FNBP1L: variants seen among roughly 807,000 people sequenced by gnomAD.
FNBP1L encodes the protein formin binding protein 1 like.
Under a neutral mutation model 91.2 loss-of-function variants are expected in FNBP1L, and 36 were observed. That is an observed-to-expected ratio of 0.39 (90% CI 0.30 to 0.52). FNBP1L has a LOEUF of 0.52. Among genes scored for constraint, FNBP1L ranks in the 20% least tolerant of loss-of-function variants. The probability of loss-of-function intolerance (pLI) is 0.66; values close to 1 mark genes in which losing one functional copy is unlikely to be tolerated. For synonymous variants in FNBP1L, 242 were observed against 237.0 expected (o/e 1.02, Z -0.19); for missense variants, 571 against 732.1 (o/e 0.78, Z 2.54).
intron 1 of FNBP1L, among the ~76,000 whole-genome samples, chr1:93,490,647 T>C (rs1173094922): frequency 6.6e-6 from 1 of 152,226 alleles, no homozygotes; most frequent in Non-Finnish European, 1.5e-5. Context: ...CTATCTGGAA[T>C]AAATCCATAG....
intron 11 of FNBP1L, among the ~76,000 whole-genome samples, chr1:93,541,600 C>T (rs1366422703): frequency 4.7e-5 from 3 of 63,190 alleles, no homozygotes; most frequent in Non-Finnish European, 9.1e-5. Context: ...TGGGGCGGGG[C>T]GGGGAAGGTG....
In FNBP1L at chr1:93,513,189, G is replaced by A. The variant is rs992221824; in HGVS notation, c.141-8893G>A. On this transcript the variant is annotated intron_variant, in intron 2 of 16. Coordinates refer to ENST00000271234, the MANE Select transcript of FNBP1L (RefSeq NM_001164473.3). ...TCTAGAAGAAATGGATAAATTCCTC[G>A]ACACATACACTCTCCCAAGACTAAA... Among the ~76,000 whole-genome samples the A allele has an allele frequency of 3.3e-5, 5 of 151,836 alleles. No homozygotes were observed. In the South Asian group the frequency reaches 6.3e-4, roughly 19 times the overall value.
chr1:93,471,021 ATAT>A (rs1328111804), intron 1 of FNBP1L, among the ~76,000 whole-genome samples: 14 of 152,190 alleles, frequency 9.2e-5, no homozygotes, highest in African/African-American at 2.2e-4. Context: ...AATAATTGCA[ATAT>A]TATTCTTTTT....
chr1:93,448,333 C>G, intron 1 of FNBP1L, 28 bp downstream of exon 1: 1 of 1,496,742 alleles, frequency 6.7e-7, no homozygotes, highest in Admixed American at 2.4e-5. Flanking sequence ...GCGCCCCGCA[C>G]GGACCCCGGC....
At chr1:93,545,300 C>A (rs1233719506) in intron 12 of FNBP1L, among the ~76,000 whole-genome samples, 1 of 152,026 alleles carries the variant, frequency 6.6e-6, no homozygotes, top group Non-Finnish European at 1.5e-5. Flanking sequence ...GGATACATGT[C>A]CAGAATATGA....
Position 93,504,156 on chromosome 1 carries a change from ATAAT to A in FNBP1L, c.140+4577_140+4580del, listed in dbSNP as rs1187521953. Among the ~76,000 whole-genome samples the A allele has an allele frequency of 9.8e-5, 15 of 152,348 alleles. 1 individual carries two copies. The South Asian group carries it at 3.1e-3, about 32-fold the overall frequency. On this transcript the variant is annotated intron_variant, in intron 2 of 16. Coordinates refer to ENST00000271234, the MANE Select transcript of FNBP1L (RefSeq NM_001164473.3). ...GATTAAATTTAAGTTGAATGAATAAATAATTAAATAATCTGTGTTTCAGTTTAGT... is the reference window on the plus strand; with the variant it reads ...GATTAAATTTAAGTTGAATGAATAAATAAATAATCTGTGTTTCAGTTTAGT...
At chr1:93,449,302 T>C (rs1304569092) in intron 1 of FNBP1L, among the ~76,000 whole-genome samples, 1 of 151,692 alleles carries the variant, frequency 6.6e-6, no homozygotes, top group African/African-American at 2.4e-5. Context: ...ATTTCTCAGG[T>C]GCGGCCGGGA....
Position 93,482,569 on chromosome 1 carries a change from A to G in FNBP1L, c.25-16899A>G, listed in dbSNP as rs547192202. Among the ~76,000 whole-genome samples, 18 of 152,306 alleles carry G rather than the reference A, an allele frequency of 1.2e-4. No homozygotes were observed. In the South Asian group the frequency reaches 3.3e-3, roughly 28 times the overall value. ...CTGAAATTATGTATTCATTTACAATACTGTGCATGGTAATGATTTATTGAA... is the reference window on the plus strand; with the variant it reads ...CTGAAATTATGTATTCATTTACAATGCTGTGCATGGTAATGATTTATTGAA... On this transcript the variant is annotated intron_variant, in intron 1 of 16. Transcript: ENST00000271234.
chr1:93,551,102 A>T lies in FNBP1L; in HGVS notation c.1807A>T (p.Lys603Ter). The change falls in exon 16 of 17, where the codon AAA (lysine) becomes TAA (stop). Residue 603 changes from lysine (K) to a stop codon, truncating the protein, a stop_gained. Coordinates refer to ENST00000271234, the MANE Select transcript of FNBP1L (RefSeq NM_001164473.3). LOFTEE classifies it high-confidence loss of function. Reference sequence around the variant, plus strand: ...AGATGTAACTCTAGAGAAAAACAGTAAAGGTGCAGTAACTTATATCTAAAC... The same window carrying T: ...AGATGTAACTCTAGAGAAAAACAGTTAAGGTGCAGTAACTTATATCTAAAC... ...YIDVTLEKNS[K>*]GS 1 of 1,606,160 alleles carries T rather than the reference A, an allele frequency of 6.2e-7. No homozygotes were observed. Among genetic ancestry groups the T allele is most frequent in the Non-Finnish European group, 8.5e-7 (1 of 1,175,900 alleles).
At position 93,552,621 on chromosome 1, in the gene FNBP1L, A is replaced by G; in HGVS notation, c.*205A>G. On this transcript the variant is annotated 3_prime_UTR_variant, in exon 17 of 17. Transcript: ENST00000271234. ...TCATAATACCAACCCTTAAGTTCCT[A>G]GTTCACAGTTATTCCCACAAAAGAA... 2.2e-6 allele frequency: 1 copy of G among 451,274 alleles called. No homozygotes were observed. The highest frequency in any genetic ancestry group is 3.9e-6 in the Non-Finnish European group (1 of 256,844). The allele number at this position is 451,274 out of a possible 1,614,324, so 28.0% of individuals were successfully genotyped here. A position where few individuals can be genotyped will look rare whatever the true frequency, so the allele number is the denominator to read the frequency against.
At chr1:93,485,349 CAT>C (rs1305405121) in intron 1 of FNBP1L, among the ~76,000 whole-genome samples, 5 of 152,072 alleles carry the variant, frequency 3.3e-5, no homozygotes, top group African/African-American at 1.2e-4. Flanking sequence ...GTCCTAAGAA[CAT>C]ATACTATTTT....
chr1:93,483,751 G>T (rs1200485482), intron 1 of FNBP1L, among the ~76,000 whole-genome samples: 2 of 152,236 alleles, frequency 1.3e-5, no homozygotes, highest in Admixed American at 1.3e-4. Context: ...AATATACCAA[G>T]AACTAAGTAT....
intron 2 of FNBP1L, among the ~76,000 whole-genome samples, chr1:93,504,876 A>G (rs1248931612): frequency 2.6e-5 from 4 of 152,068 alleles, no homozygotes; most frequent in Non-Finnish European, 4.4e-5. Context: ...CTCCCATTCT[A>G]TAGGTTGCCT....
chr1:93,550,388 T>C (rs567332202), intron 15 of FNBP1L, among the ~76,000 whole-genome samples: 2 of 152,262 alleles, frequency 1.3e-5, no homozygotes, highest in African/African-American at 4.8e-5. Flanking sequence ...ACGTGTTAAA[T>C]GAAGATTCAG....
At chr1:93,514,053 A>G (rs1670970757) in intron 2 of FNBP1L, among the ~76,000 whole-genome samples, 1 of 152,032 alleles carries the variant, frequency 6.6e-6, no homozygotes, top group Admixed American at 6.5e-5. Flanking sequence ...CCTTAAGCTG[A>G]TAAGCAACTT....
intron 2 of FNBP1L, among the ~76,000 whole-genome samples, chr1:93,516,248 T>G (rs1282826100): frequency 6.6e-6 from 1 of 152,150 alleles, no homozygotes; most frequent in Non-Finnish European, 1.5e-5. Flanking sequence ...AGTATCTACT[T>G]TAAAATGGAA....
chr1:93,525,860 T>C (rs991011895), intron 5 of FNBP1L, among the ~76,000 whole-genome samples: 3 of 152,222 alleles, frequency 2.0e-5, no homozygotes, highest in African/African-American at 7.2e-5. Context: ...TTCTTGTTTT[T>C]GTAGCACTTG....
intron 2 of FNBP1L, among the ~76,000 whole-genome samples, chr1:93,511,408 G>A (rs761669562): frequency 1.7e-4 from 26 of 152,130 alleles, no homozygotes; most frequent in Non-Finnish European, 2.9e-4. Flanking sequence ...CAAATGCTGA[G>A]AGATTTTGTC....
intron 1 of FNBP1L, among the ~76,000 whole-genome samples, chr1:93,498,912 C>T (rs1012093883): frequency 6.6e-6 from 1 of 152,068 alleles, no homozygotes; most frequent in Non-Finnish European, 1.5e-5. Flanking sequence ...TCAAACATCT[C>T]GGAAATGGCA....
Sources: gnomAD v4.1 joint callset for allele counts (sites outside exome capture counted in the v4.1 genomes callset) on GRCh38, gnomAD v4.1.1 for gene constraint, MANE v1.5 for transcripts, NCBI Gene and HGNC (gene_info 2026-07-23, HGNC 2026-07-21) for gene names.